The following NCAPG2 variants were observed in gnomAD, a reference collection of about 807,000 sequenced individuals.
NCAPG2 encodes condensin-2 complex subunit G2.
NCAPG2 carries 53 observed loss-of-function variants against 141.1 expected under a neutral mutation model. The observed-to-expected ratio is 0.38, with a 90% CI of 0.30 to 0.47. The LOEUF is 0.47. Among genes scored for constraint, NCAPG2 ranks in the 20% least tolerant of loss-of-function variants. The pLI is 0.99. For synonymous variants in NCAPG2, 499 were observed against 490.7 expected (o/e 1.02, Z -0.22); for missense variants, 1,087 against 1,389.0 (o/e 0.78, Z 3.46).
At chr7:158,684,989 C>A (rs1206257214) in intron 8 of NCAPG2, among the ~76,000 whole-genome samples, 1 of 152,232 alleles carries the variant, frequency 6.6e-6, no homozygotes, top group Non-Finnish European at 1.5e-5. Context: ...CCTCCCTCTG[C>A]CCATCAGTGC....
intron 16 of NCAPG2, among the ~76,000 whole-genome samples, chr7:158,659,271 G>T (rs1160437154): frequency 6.8e-6 from 1 of 147,968 alleles, no homozygotes; most frequent in Non-Finnish European, 1.5e-5. Flanking sequence ...AGAGGCTGCA[G>T]TGAGCTGAGA....
At chr7:158,652,572 T>C in intron 22 of NCAPG2, 92 bp from the exon 23 acceptor site, 2 of 1,044,248 alleles carry the variant, frequency 1.9e-6, no homozygotes, top group Non-Finnish European at 2.7e-6. Flanking sequence ...TATAAAATGG[T>C]AACAAAAAAG....
intron 19 of NCAPG2, 59 bp downstream of exon 19, chr7:158,656,201 T>G: frequency 6.4e-7 from 1 of 1,561,156 alleles, no homozygotes; most frequent in Non-Finnish European, 8.7e-7. Flanking sequence ...AGCTTCACAC[T>G]TTGATTTGTC....
intron 19 of NCAPG2, among the ~76,000 whole-genome samples, chr7:158,655,742 G>GCACGCAGCACCACCCGTCCCCTC (rs1554554673): frequency 1.8e-4 from 27 of 151,918 alleles, no homozygotes; most frequent in Admixed American, 2.0e-4. Flanking sequence ...CTCCCCATCT[G>GCACGCAGCACCACCCGTCCCCTC]CCTGGCTCCA....
chr7:158,648,460 C>T (rs899658466), intron 24 of NCAPG2, among the ~76,000 whole-genome samples: 2 of 151,408 alleles, frequency 1.3e-5, no homozygotes, highest in Non-Finnish European at 2.9e-5. Flanking sequence ...AACTTAAACC[C>T]AAACCTATCA....
rs1270445596 is a variant in NCAPG2, at chr7:158,672,280, GTGTGTGTGTGTGTATA to G, written c.1327-630_1327-615del. On this transcript the variant is annotated intron_variant, in intron 12 of 27. Coordinates refer to ENST00000356309, the MANE Select transcript of NCAPG2 (RefSeq NM_017760.7). Reference sequence around the variant, plus strand: ...AGTATATACGGTATTCCAAACACATGTGTGTGTGTGTGTATATATATATATATATATATATATATAT... The same window carrying G: ...AGTATATACGGTATTCCAAACACATGTATATATATATATATATATATATAT... 4.8e-3 allele frequency among the ~76,000 whole-genome samples: 245 copies of G among 50,526 alleles called. 2 individuals are homozygous for G. Among genetic ancestry groups the G allele is most frequent in the African/African-American group, 0.015 (233 of 15,330 alleles). The allele number at this position is 50,526 out of a possible 152,430, so 33.1% of individuals were successfully genotyped here. A position where few individuals can be genotyped will look rare whatever the true frequency, so the allele number is the denominator to read the frequency against.
rs753607043 is a variant in NCAPG2, at chr7:158,690,703, A to C, written c.402T>G (p.Pro134=). 6.2e-7 allele frequency: 1 copy of C among 1,613,900 alleles called. No homozygotes were observed. The highest frequency in any genetic ancestry group is 8.5e-7 in the Non-Finnish European group (1 of 1,179,898). ...AACTCTGTAGTTTTCGTTCAGACTC[A>C]GGTAATGCATATAAAATACCTAAAA... The part of the protein sequence containing the change: ...IILNGILYAL[P]ESERKLQSSI... Residue 134 remains proline (P), a synonymous_variant, in exon 5 of 28, where the codon CCT becomes CCG. Coordinates refer to ENST00000356309, the MANE Select transcript of NCAPG2 (RefSeq NM_017760.7).
At chr7:158,692,783 A>T (rs1587293997) in intron 4 of NCAPG2, 59 bp downstream of exon 4, 2 of 1,025,020 alleles carry the variant, frequency 2.0e-6, no homozygotes, top group East Asian at 4.9e-5. Flanking sequence ...AAACAGAAAC[A>T]AAAACAAGTA....
At chr7:158,694,843 TA>T (rs1835347188) in intron 2 of NCAPG2, among the ~76,000 whole-genome samples, 1 of 152,124 alleles carries the variant, frequency 6.6e-6, no homozygotes, top group African/African-American at 2.4e-5. Context: ...TGTTCACTTC[TA>T]TCTACTCTCT....
At chr7:158,640,710 G>C (rs144277043) in intron 27 of NCAPG2, 19 of 152,232 alleles carry the variant, frequency 1.2e-4, no homozygotes, top group African/African-American at 4.6e-4. Flanking sequence ...AGCATTAAAA[G>C]AAGTTCTCTG....
At chr7:158,650,771 AG>A in intron 24 of NCAPG2, 60 bp downstream of exon 24, 1 of 1,527,938 alleles carries the variant, frequency 6.5e-7, no homozygotes, top group African/African-American at 1.4e-5. Context: ...TACTGCTAGT[AG>A]AAACACCATC....
rs766385378 is a variant in NCAPG2, at chr7:158,686,247, T to C, written c.768-6A>G. 8 of 1,494,124 alleles carry C rather than the reference T, an allele frequency of 5.4e-6. No individual in the cohort carries two copies. The highest frequency in any genetic ancestry group is 1.3e-5 in the South Asian group (1 of 78,082). 92.6% of individuals were successfully genotyped at this position (1,494,124 alleles called of 1,614,324 possible). On this transcript the variant is annotated splice_polypyrimidine_tract_variant and splice_region_variant and intron_variant, in intron 7 of 27. Coordinates refer to ENST00000356309, the MANE Select transcript of NCAPG2 (RefSeq NM_017760.7). Reference sequence around the variant, plus strand: ...CAATGTATACCATCAAAGACCTATATAAAAAGATCAAAATAGTTTTAATGC... The same window carrying C: ...CAATGTATACCATCAAAGACCTATACAAAAAGATCAAAATAGTTTTAATGC...
chr7:158,683,008 G>C (rs897524427), intron 9 of NCAPG2, among the ~76,000 whole-genome samples: 5 of 152,018 alleles, frequency 3.3e-5, no homozygotes, highest in Non-Finnish European at 7.4e-5. Context: ...TAGGATCTTT[G>C]AAAAAAATGA....
Position 158,650,901 on chromosome 7 carries a change from A to C in NCAPG2, c.3006T>G (p.Pro1002=), listed in dbSNP as rs1428473591. The C allele has an allele frequency of 1.9e-6, 3 of 1,613,216 alleles. No homozygotes were observed. The highest frequency in any genetic ancestry group is 4.5e-5 in the East Asian group (2 of 44,884). ...GAGTAGAAAGTACACCCCGGTGCAC[A>C]GGGGTGTCTGTGTGCCGAGACTGAA... ...TAVQSRHTDT[P]VHRGVLSTLI... The change falls in exon 24 of 28, where the codon CCT becomes CCG. Residue 1002 remains proline, a synonymous_variant. Transcript: ENST00000356309.
At chr7:158,654,536 G>C (rs1041919692) in intron 22 of NCAPG2, 59 bp downstream of exon 22, 1 of 1,479,456 alleles carries the variant, frequency 6.8e-7, no homozygotes, top group African/African-American at 1.4e-5. Context: ...CAGTAAAGGA[G>C]GGAGGGAGGG....
chr7:158,699,461 A>G (rs1417796905), intron 2 of NCAPG2, among the ~76,000 whole-genome samples: 1 of 152,232 alleles, frequency 6.6e-6, no homozygotes, highest in African/African-American at 2.4e-5. Context: ...TGAATGCAGA[A>G]AACTGCACCC....
At chr7:158,703,160 C>A (rs1835912784) in intron 1 of NCAPG2, among the ~76,000 whole-genome samples, 1 of 152,122 alleles carries the variant, frequency 6.6e-6, no homozygotes, top group Non-Finnish European at 1.5e-5. Context: ...GATGAAATTG[C>A]CTAACGACAA....
chr7:158,645,152 C>T (rs972004091), intron 26 of NCAPG2, among the ~76,000 whole-genome samples: 1 of 152,092 alleles, frequency 6.6e-6, no homozygotes, highest in Non-Finnish European at 1.5e-5. Flanking sequence ...CCAAAATATC[C>T]GTCATCAACC....
chr7:158,635,972 T>C lies in NCAPG2; in HGVS notation c.3381-4255A>G, dbSNP rs567136603. On this transcript the variant is annotated intron_variant, in intron 27 of 27. Transcript: ENST00000356309. Reference sequence around the variant, plus strand: ...TTTCTTGTTTCATCAATTTGTCAGATTGATTTTTTTAGACACTGGTTTTTC... The same window carrying C: ...TTTCTTGTTTCATCAATTTGTCAGACTGATTTTTTTAGACACTGGTTTTTC... 1.1e-3 allele frequency among the ~76,000 whole-genome samples: 174 copies of C among 152,366 alleles called. 3 individuals carry two copies. The highest frequency in any genetic ancestry group is 3.9e-3 in the African/African-American group (164 of 41,590).
Sources: allele counts gnomAD v4.1 joint callset (sites outside exome capture counted in the v4.1 genomes callset), GRCh38; gene constraint gnomAD v4.1.1; transcripts MANE v1.5; gene names NCBI Gene and HGNC (gene_info 2026-07-23, HGNC 2026-07-21).